Variants in C5 observed in about 807,000 individuals in gnomAD.
The protein encoded by C5 is C3 and PZP-like alpha-2-macroglobulin domain-containing protein 4.
Under a neutral mutation model 218.8 loss-of-function variants are expected in C5, and 140 were observed. The observed-to-expected ratio is 0.64, with a 90% confidence interval of 0.56 to 0.74. C5 has a LOEUF of 0.74. Ranked by LOEUF, C5 falls within the 30% of genes least tolerant of loss-of-function variation. The probability of loss-of-function intolerance (pLI) is 0.00; values close to 1 mark genes in which losing one functional copy is unlikely to be tolerated. For missense variants in C5, 1,700 were observed against 1,969.6 expected, an observed-to-expected ratio of 0.86 and a Z score of 2.59; for synonymous variants, 614 against 682.3, an observed-to-expected ratio of 0.90 and a Z score of 1.56.
chr9:120,953,002 C>T (rs992883058), intron 40 of C5, 134 bp from the exon 41 acceptor site: 22 of 858,448 alleles, frequency 2.6e-5, no homozygotes, highest in Non-Finnish European at 3.6e-5. Context: ...CAGCTCACTG[C>T]AAGCTCTGCC....
the C5 span, among the ~76,000 whole-genome samples, chr9:121,072,141 T>C: frequency 2.0e-5 from 3 of 152,092 alleles, no homozygotes; most frequent in South Asian, 2.1e-4. Context: ...GAGGTCTGTA[T>C]GAGGAGGAAA....
At chr9:121,021,026 CTATGTTAT>C (rs995001371) in intron 11 of C5, among the ~76,000 whole-genome samples, 6 of 152,132 alleles carry the variant, frequency 3.9e-5, no homozygotes, top group Non-Finnish European at 5.9e-5. Flanking sequence ...AACTATGTTA[CTATGTTAT>C]TGCTCATATT....
chr9:121,002,330 A>ATATATATATATATATT, intron 20 of C5, among the ~76,000 whole-genome samples: 1 of 120,996 alleles, frequency 8.3e-6, no homozygotes, highest in Non-Finnish European at 1.8e-5. Flanking sequence ...ATATATATAT[A>ATATATATATATATATT]TATATATATA....
chr9:121,053,698 C>A (rs1313611762), upstream of C5, among the ~76,000 whole-genome samples: 1 of 152,144 alleles, frequency 6.6e-6, no homozygotes, highest in African/African-American at 2.4e-5. Flanking sequence ...ACAGGCTGCA[C>A]AGCAGGAAAG....
chr9:120,992,893 CT>C (rs1250361825), intron 22 of C5, among the ~76,000 whole-genome samples: 1 of 152,084 alleles, frequency 6.6e-6, no homozygotes, highest in East Asian at 1.9e-4. Flanking sequence ...TAAATAATTC[CT>C]TTTCAAACCC....
chr9:121,043,676 G>C (rs563633657), intron 2 of C5, among the ~76,000 whole-genome samples: 1 of 150,924 alleles, frequency 6.6e-6, no homozygotes, highest in Non-Finnish European at 1.5e-5. Context: ...GAGATTACAG[G>C]TGTGCGCCAC....
rs549974617 is a variant in C5, at chr9:120,973,324, T to C, written c.4018-1332A>G. Among the ~76,000 whole-genome samples the C allele has an allele frequency of 7.9e-5, 12 of 152,324 alleles. No individual in the cohort carries two copies. The South Asian group carries it at 2.1e-3, about 26-fold the overall frequency. ...AGCTGGAAGGTCAAGAGATCCTTCT[T>C]AGAGCTTAGACTCAGAACATGAATC... On this transcript the variant is annotated intron_variant, in intron 30 of 40. Coordinates refer to ENST00000223642, the MANE Select transcript of C5 (RefSeq NM_001735.3).
intron 8 of C5, chr9:121,025,791 G>A: frequency 2.0e-6 from 1 of 489,780 alleles, no homozygotes; most frequent in South Asian, 2.2e-5. Flanking sequence ...GAAGGGTCTT[G>A]AACATCACAT....
At chr9:120,976,252 T>C (rs2046952486) in intron 29 of C5, among the ~76,000 whole-genome samples, 1 of 152,266 alleles carries the variant, frequency 6.6e-6, no homozygotes, top group Non-Finnish European at 1.5e-5. Flanking sequence ...CAAATGAGTT[T>C]ACATTAAATA....
chr9:120,995,820 C>CTTT (rs66652956), intron 22 of C5, among the ~76,000 whole-genome samples: 10 of 134,394 alleles, frequency 7.4e-5, no homozygotes, highest in Admixed American at 2.3e-4. Context: ...GAAGTGGATA[C>CTTT]TTTTTTTTTT....
chr9:121,016,913 G>A (rs1315529657), intron 14 of C5, among the ~76,000 whole-genome samples: 2 of 151,930 alleles, frequency 1.3e-5, no homozygotes, highest in African/African-American at 4.8e-5. Context: ...TTCAAGCCTC[G>A]AAAATAATAG....
intron 16 of C5, 115 bp downstream of exon 16, chr9:121,015,084 T>A: frequency 1.4e-6 from 1 of 718,726 alleles, no homozygotes; most frequent in Non-Finnish European, 2.4e-6. Flanking sequence ...TCCATACATA[T>A]CTTTCTTTTC....
chr9:120,970,418 C>T (rs1355420931), intron 31 of C5, among the ~76,000 whole-genome samples, 167 bp from the exon 32 acceptor site: 1 of 152,176 alleles, frequency 6.6e-6, no homozygotes, highest in African/African-American at 2.4e-5. Flanking sequence ...GGACTTTAAG[C>T]AAACTCCATA....
At chr9:121,074,754 C>T in the C5 span, 2 of 453,374 alleles carry the variant, frequency 4.4e-6, no homozygotes, top group South Asian at 3.1e-5. Context: ...GACACTTCAC[C>T]TGCAACGCAA....
Position 121,015,292 on chromosome 9 carries a change from G to T in C5, c.1997-31C>A, listed in dbSNP as rs560590229. ...TTTTTTAAAAAAAGATAAAGAAGAA[G>T]GATTAAAAAGGAGATAAAATCTCAA... On this transcript the variant is annotated intron_variant, in intron 15 of 40. Transcript: ENST00000223642. 1.1e-5 allele frequency: 15 copies of T among 1,412,336 alleles called. No homozygotes were observed. In the Admixed American group the frequency reaches 1.4e-4, roughly 13 times the overall value. 87.5% of individuals were successfully genotyped at this position (1,412,336 alleles called of 1,614,324 possible).
chr9:120,973,601 A>T (rs1479985906), intron 30 of C5, among the ~76,000 whole-genome samples: 2 of 152,188 alleles, frequency 1.3e-5, no homozygotes, highest in Non-Finnish European at 2.9e-5. Context: ...TGGATCCTTA[A>T]ATGTTGGCAT....
rs1588163804 is a variant in C5 at position 120,958,559 on chromosome 9, C to T, written c.4679-1191G>A. 3.4e-5 allele frequency among the ~76,000 whole-genome samples: 5 copies of T among 148,358 alleles called. 1 individual carries two copies. The highest frequency in any genetic ancestry group is 3.3e-4 in the Admixed American group (5 of 15,028). On this transcript the variant is annotated intron_variant, in intron 38 of 40. Coordinates refer to ENST00000223642, the MANE Select transcript of C5 (RefSeq NM_001735.3). ...AGTGGGCCTAGGCTGAGTCAGGCAG[C>T]TTTTTAGCTTTTTTTTTTTTCCAAA...
In C5 at chr9:120,982,789, G is replaced by A; in HGVS notation, c.3256C>T (p.Leu1086Phe). The A allele has an allele frequency of 6.3e-7, 1 of 1,593,974 alleles. No homozygotes were observed. The highest frequency in any genetic ancestry group is 8.6e-7 in the Non-Finnish European group (1 of 1,163,168). Residue 1086 changes from leucine (L) to phenylalanine (F), a missense_variant, in exon 26 of 41, where the codon CTT becomes TTT. Leu to Phe is a conservative substitution (Grantham distance 22). Transcript: ENST00000223642. ...TWLTAFALRV[L>F]GQVNKYVEQN... is the part of the protein sequence containing the mutation. ...TCTACGTATTTATTTACTTGTCCAA[G>A]TACTCTTAAAGCAAAAGCTGTTAAC...
At chr9:121,062,297 G>A in the C5 span, among the ~76,000 whole-genome samples, 1 of 152,174 alleles carries the variant, frequency 6.6e-6, no homozygotes, top group Non-Finnish European at 1.5e-5. Flanking sequence ...TGTGAATGAG[G>A]AGGCAAGGAA....
Sources: allele counts gnomAD v4.1 joint callset (sites outside exome capture counted in the v4.1 genomes callset), GRCh38; gene constraint gnomAD v4.1.1; transcripts MANE v1.5; gene names NCBI Gene and HGNC (gene_info 2026-07-23, HGNC 2026-07-21).